The following CACNA1A variants were observed in gnomAD, a reference collection of about 807,000 sequenced individuals.
CACNA1A encodes voltage-dependent P/Q-type calcium channel subunit alpha-1A.
In CACNA1A, 57 loss-of-function variants were observed where a neutral mutation model predicts 262.4. The ratio of observed to expected loss-of-function variants is 0.22; its 90% CI spans 0.18 to 0.27. The LOEUF is 0.27. CACNA1A is among the 10% of genes least tolerant of loss of function. The pLI is 1.00. For synonymous variants in CACNA1A, 1,431 were observed against 1,419.3 expected, an observed-to-expected ratio of 1.01 and a Z score of -0.18; for missense variants, 2,526 against 3,562.8, an observed-to-expected ratio of 0.71 and a Z score of 7.41.
At chr19:13,303,943 G>T in intron 15 of CACNA1A, 59 bp from the exon 16 acceptor site, 1 of 1,238,696 alleles carries the variant, frequency 8.1e-7, no homozygotes, top group Non-Finnish European at 1.2e-6. Context: ...GCCCCTTGGA[G>T]ATGCAGCTGT....
At chr19:13,211,715 A>G (rs563784100) in intron 43 of CACNA1A, 1 of 242,732 alleles carries the variant, frequency 4.1e-6, no homozygotes, top group Non-Finnish European at 8.2e-6. Flanking sequence ...TATGTTGAGC[A>G]TGTGTGTGTG....
rs1463277441 is a variant in CACNA1A at position 13,299,041 on chromosome 19, G to A, written c.2592C>T (p.Tyr864=). The change falls in exon 19 of 47, where the codon TAC becomes TAT. Residue 864 remains tyrosine (Y), a synonymous_variant. Coordinates refer to ENST00000360228, the MANE Select transcript of CACNA1A (RefSeq NM_001127222.2). ...CGCTGGGGTCCCGGGCCCGATCGTG[G>A]TAGCGGGCCTGTTTCCTGAGGAAGT... ...AEDFLRKQAR[Y]HDRARDPSGS... 3.1e-6 allele frequency: 5 copies of A among 1,598,970 alleles called. 1 individual carries two copies. The South Asian group carries it at 5.5e-5, about 18-fold the overall frequency.
At chr19:13,264,851 TTC>T (rs752598575) in intron 24 of CACNA1A, among the ~76,000 whole-genome samples, 1 of 150,864 alleles carries the variant, frequency 6.6e-6, no homozygotes, top group South Asian at 2.1e-4. Flanking sequence ...TAATCTACTC[TTC>T]TCTGTGTTCA....
intron 19 of CACNA1A, 115 bp from the exon 20 acceptor site, chr19:13,287,081 G>T: frequency 1.2e-6 from 1 of 862,352 alleles, no homozygotes; most frequent in Non-Finnish European, 1.8e-6. Context: ...GCTGGGCGCA[G>T]TGGCTCACGC....
chr19:13,486,875 GTGTCTCCTCTT>G (rs1039656981), intron 1 of CACNA1A, among the ~76,000 whole-genome samples: 11 of 151,094 alleles, frequency 7.3e-5, no homozygotes, highest in Admixed American at 2.6e-4. Context: ...CTCTCTCTCT[GTGTCTCCTCTT>G]TGTCTCCTCT....
At chr19:13,224,937 G>A in intron 37 of CACNA1A, 165 bp from the exon 38 acceptor site, 2 of 566,542 alleles carry the variant, frequency 3.5e-6, no homozygotes, top group South Asian at 4.4e-5. Context: ...AGTTTCTCTT[G>A]GTGGCCCGCA....
chr19:13,424,436 T>C (rs766912773), intron 3 of CACNA1A, among the ~76,000 whole-genome samples: 3 of 152,034 alleles, frequency 2.0e-5, no homozygotes, highest in Non-Finnish European at 2.9e-5. Flanking sequence ...GTTCTATTAC[T>C]TATTTATTTT....
At chr19:13,474,933 A>C (rs1479531599) in intron 1 of CACNA1A, among the ~76,000 whole-genome samples, 2 of 152,252 alleles carry the variant, frequency 1.3e-5, no homozygotes, top group Non-Finnish European at 2.9e-5. Flanking sequence ...AGAATGACTA[A>C]ATCAATGCCC....
At chr19:13,334,116 G>T in intron 8 of CACNA1A, 1 of 449,732 alleles carries the variant, frequency 2.2e-6, no homozygotes, top group Non-Finnish European at 4.0e-6. Flanking sequence ...GTGGTGCATG[G>T]GTAAAAAGTG....
intron 1 of CACNA1A, among the ~76,000 whole-genome samples, chr19:13,501,555 C>A (rs901830727): frequency 6.6e-6 from 1 of 152,106 alleles, no homozygotes; most frequent in African/African-American, 2.4e-5. Flanking sequence ...AACCCTAGCC[C>A]ATGAACTTAC....
chr19:13,438,782 A>G (rs1017021952), intron 3 of CACNA1A, among the ~76,000 whole-genome samples: 1 of 152,240 alleles, frequency 6.6e-6, no homozygotes, highest in African/African-American at 2.4e-5. Flanking sequence ...ATGGCAATAT[A>G]TAACTGATGC....
intron 3 of CACNA1A, among the ~76,000 whole-genome samples, chr19:13,385,230 CTTTT>C (rs911743392): frequency 1.4e-5 from 2 of 139,660 alleles, no homozygotes. Flanking sequence ...TTCTTTCTTT[CTTTT>C]TTTTTTTTTT....
intron 15 of CACNA1A, 78 bp downstream of exon 15, chr19:13,307,704 G>T: frequency 8.5e-7 from 1 of 1,172,168 alleles, no homozygotes; most frequent in Non-Finnish European, 1.3e-6. Context: ...GTTCAGGGAA[G>T]CCCCTTGGAT....
At chr19:13,461,507 A>G (rs1444561108) in intron 1 of CACNA1A, among the ~76,000 whole-genome samples, 1 of 152,220 alleles carries the variant, frequency 6.6e-6, no homozygotes, top group Non-Finnish European at 1.5e-5. Flanking sequence ...GAAATATGCA[A>G]TGATGTACTT....
chr19:13,413,323 G>A (rs576698735), intron 3 of CACNA1A, among the ~76,000 whole-genome samples: 1 of 151,122 alleles, frequency 6.6e-6, no homozygotes, highest in Non-Finnish European at 1.5e-5. Context: ...AGCCAGGATG[G>A]TCTCAATCTC....
chr19:13,497,847 G>A (rs768152995), intron 1 of CACNA1A, among the ~76,000 whole-genome samples: 3 of 151,656 alleles, frequency 2.0e-5, no homozygotes, highest in South Asian at 2.1e-4. Flanking sequence ...ACAATTCCTC[G>A]GACATAGGAC....
chr19:13,242,997 T>C (rs2056121896), intron 31 of CACNA1A, among the ~76,000 whole-genome samples: 1 of 152,204 alleles, frequency 6.6e-6, no homozygotes, highest in African/African-American at 2.4e-5. Context: ...TACAGCTCTC[T>C]TACTGGTGAT....
intron 3 of CACNA1A, among the ~76,000 whole-genome samples, chr19:13,407,676 T>G (rs888881457): frequency 2.6e-5 from 4 of 152,234 alleles, no homozygotes; most frequent in African/African-American, 9.6e-5. Flanking sequence ...CCAATTGTTA[T>G]GCTGCAACAA....
chr19:13,330,441 A>C (rs2145115784), intron 9 of CACNA1A, 108 bp from the exon 10 acceptor site: 419 of 788,380 alleles, frequency 5.3e-4, no homozygotes, highest in Non-Finnish European at 7.3e-4. Flanking sequence ...AACTGTTCTC[A>C]CGGGAACTAA....
Sources: gnomAD v4.1 joint callset for allele counts (sites outside exome capture counted in the v4.1 genomes callset) on GRCh38, gnomAD v4.1.1 for gene constraint, MANE v1.5 for transcripts, NCBI Gene and HGNC (gene_info 2026-07-23, HGNC 2026-07-21) for gene names.